The following MAST2 variants were observed in gnomAD, a reference collection of about 807,000 sequenced individuals.
MAST2 encodes the protein microtubule-associated serine/threonine-protein kinase 2.
Under a neutral mutation model 147.4 loss-of-function variants are expected in MAST2, and 70 were observed. The ratio of observed to expected loss-of-function variants is 0.47; its 90% CI spans 0.39 to 0.58. The LOEUF (loss-of-function observed/expected upper bound fraction) is 0.58, where lower values mean the gene tolerates loss of function less well. Among genes scored for constraint, MAST2 ranks in the 20% least tolerant of loss-of-function variants. The pLI is 0.00. For synonymous variants in MAST2, 869 were observed against 896.8 expected, an observed-to-expected ratio of 0.97 and a Z score of 0.55; for missense variants, 2,080 against 2,302.3, an observed-to-expected ratio of 0.90 and a Z score of 1.98.
intron 4 of MAST2, among the ~76,000 whole-genome samples, chr1:45,939,201 A>G (rs1656760322): frequency 1.3e-5 from 2 of 151,792 alleles, no homozygotes; most frequent in Non-Finnish European, 2.9e-5. Context: ...ATATTTATGT[A>G]TGGTATGAGG....
chr1:46,032,392 C>T lies in MAST2; in HGVS notation c.3402C>T (p.His1134=), dbSNP rs776097973. ...GTGACTCCGATGTCTACACCGTGCA[C>T]CATATGGTGTGGGTATGTCTGACCA... ...YMGDSDVYTV[H]HMVWHVEDGG... Residue 1134 remains histidine (H), a synonymous_variant, in exon 25 of 29, where the codon CAC becomes CAT. Coordinates refer to ENST00000361297, the MANE Select transcript of MAST2 (RefSeq NM_015112.3). The T allele has an allele frequency of 2.4e-5, 38 of 1,614,014 alleles. No individual in the cohort carries two copies. The South Asian group carries it at 3.4e-4, about 14-fold the overall frequency.
At chr1:45,953,786 A>G (rs987029425) in intron 4 of MAST2, among the ~76,000 whole-genome samples, 2 of 152,206 alleles carry the variant, frequency 1.3e-5, no homozygotes, top group African/African-American at 2.4e-5. Flanking sequence ...TCATATTAAG[A>G]ACAGATTAGG....
At chr1:45,859,096 CT>C (rs1261216365) in intron 3 of MAST2, among the ~76,000 whole-genome samples, 1 of 152,086 alleles carries the variant, frequency 6.6e-6, no homozygotes, top group South Asian at 2.1e-4. Flanking sequence ...AATGCGGGCC[CT>C]TTTTTGGTTC....
Position 46,029,694 on chromosome 1 carries a change from C to T in MAST2, c.2320+127C>T. 2.2e-6 allele frequency: 3 copies of T among 1,367,624 alleles called. No individual in the cohort carries two copies. The East Asian group carries it at 6.9e-5, about 32-fold the overall frequency. The allele number at this position is 1,367,624 out of a possible 1,614,324, so 84.7% of individuals were successfully genotyped here. On this transcript the variant is annotated intron_variant, in intron 19 of 28. Coordinates refer to ENST00000361297, the MANE Select transcript of MAST2 (RefSeq NM_015112.3). Reference sequence around the variant, plus strand: ...CTGGATCCTGAAACTCTGCCCTGCTCTGTAGGCAGAAAAGGGAAGATGCTT... The same window carrying T: ...CTGGATCCTGAAACTCTGCCCTGCTTTGTAGGCAGAAAAGGGAAGATGCTT...
In MAST2 at chr1:45,966,330, A is replaced by G. The variant is rs192338274; in HGVS notation, c.592+6853A>G. Among the ~76,000 whole-genome samples the G allele has an allele frequency of 3.7e-3, 559 of 152,112 alleles. 1 individual carries two copies. The highest frequency in any genetic ancestry group is 5.6e-3 in the Non-Finnish European group (383 of 67,992). On this transcript the variant is annotated intron_variant, in intron 5 of 28. Coordinates refer to ENST00000361297, the MANE Select transcript of MAST2 (RefSeq NM_015112.3). Reference sequence around the variant, plus strand: ...AAAAAGCCGCTATAAACATCTGTGTATAGGTTTTTGGGTAGACGTTAATTT... The same window carrying G: ...AAAAAGCCGCTATAAACATCTGTGTGTAGGTTTTTGGGTAGACGTTAATTT...
intron 5 of MAST2, among the ~76,000 whole-genome samples, chr1:45,978,631 A>G (rs1037553599): frequency 6.6e-6 from 1 of 152,260 alleles, no homozygotes; most frequent in Non-Finnish European, 1.5e-5. Context: ...GTAGGAATCC[A>G]TAAGTGCTGC....
At chr1:45,915,178 T>A (rs12124847) in intron 4 of MAST2, among the ~76,000 whole-genome samples, 43,178 of 152,032 alleles carry the variant, frequency 0.28, 6,257 homozygotes, top group South Asian at 0.39. Flanking sequence ...GTGATCCTCT[T>A]GCCTCAGCCT....
At chr1:45,820,893 CTTTTTTTTTTTTTTT>C (rs769508054) in intron 1 of MAST2, among the ~76,000 whole-genome samples, 1 of 43,078 alleles carries the variant, frequency 2.3e-5, no homozygotes, top group African/African-American at 9.8e-5. Context: ...CTTTCTTTCT[CTTTTTTTTTTTTTTT>C]TTTTTTTTTG....
intron 5 of MAST2, among the ~76,000 whole-genome samples, chr1:45,981,961 C>T (rs1385786356): frequency 6.6e-6 from 1 of 151,936 alleles, no homozygotes; most frequent in Non-Finnish European, 1.5e-5. Context: ...CTGCCTCAGC[C>T]TCAGCCTCCC....
chr1:45,980,391 G>A (rs143010170), intron 5 of MAST2, among the ~76,000 whole-genome samples: 17 of 151,672 alleles, frequency 1.1e-4, no homozygotes, highest in Non-Finnish European at 1.3e-4. Flanking sequence ...GAGATCAATC[G>A]TACCCCAAAC....
chr1:46,006,752 A>G (rs1645503989), intron 8 of MAST2, among the ~76,000 whole-genome samples: 2 of 152,202 alleles, frequency 1.3e-5, no homozygotes, highest in Admixed American at 1.3e-4. Flanking sequence ...CCCAGGAGGT[A>G]TTTAACAATA....
In MAST2 at chr1:45,884,710, C is replaced by T. The variant is rs141383213; in HGVS notation, c.500+2315C>T. Among the ~76,000 whole-genome samples, 3 of 152,268 alleles carry T rather than the reference C, an allele frequency of 2.0e-5. No individual in the cohort carries two copies. The East Asian group carries it at 5.8e-4, about 29-fold the overall frequency. On this transcript the variant is annotated intron_variant, in intron 4 of 28. Coordinates refer to ENST00000361297, the MANE Select transcript of MAST2 (RefSeq NM_015112.3). Reference sequence around the variant, plus strand: ...TTCAGTTCTTTAATATAAACAATATCCTTTCTTATCTTTAACATTAGAGGA... The same window carrying T: ...TTCAGTTCTTTAATATAAACAATATTCTTTCTTATCTTTAACATTAGAGGA...
At chr1:45,855,333 C>CT (rs61043854) in intron 3 of MAST2, among the ~76,000 whole-genome samples, 117,448 of 150,816 alleles carry the variant, frequency 0.78, 46,056 homozygotes, top group East Asian at 0.96. Context: ...GGAGAAATGG[C>CT]TTTTTTTTTC....
chr1:45,813,822 T>A (rs962605535), intron 1 of MAST2, among the ~76,000 whole-genome samples: 11 of 151,900 alleles, frequency 7.2e-5, no homozygotes, highest in Non-Finnish European at 1.0e-4. Context: ...TTTATTAAAA[T>A]TTTTTTTTAA....
chr1:46,034,987 G>T lies in MAST2; in HGVS notation c.4318G>T (p.Glu1440Ter). ...CCTGCCCCACTCTGAACTAAAGAAG[G>T]AACTGCCGCCCAGGGAAGTGAGCCC... ...LDLPHSELKKELPPREVSPLE... is the reference protein window; with the variant it reads ...LDLPHSELKK Residue 1440 changes from glutamate to a stop codon, truncating the protein, a stop_gained, in exon 29 of 29, where the codon GAA becomes TAA. Transcript: ENST00000361297. LOFTEE classifies it low-confidence loss of function (END_TRUNC). The T allele has an allele frequency of 6.2e-7, 1 of 1,614,068 alleles. No individual in the cohort carries two copies. The highest frequency in any genetic ancestry group is 8.5e-7 in the Non-Finnish European group (1 of 1,180,028).
intron 3 of MAST2, among the ~76,000 whole-genome samples, chr1:45,835,592 G>A (rs1645080363): frequency 6.6e-6 from 1 of 150,612 alleles, no homozygotes; most frequent in Non-Finnish European, 1.5e-5. Context: ...ATTGAATTTT[G>A]TTGAGATGAG....
chr1:45,827,079 C>T (rs1419346549), intron 2 of MAST2, among the ~76,000 whole-genome samples: 5 of 152,042 alleles, frequency 3.3e-5, no homozygotes, highest in Admixed American at 2.0e-4. Flanking sequence ...CCGCCTGCCT[C>T]GGCCTCCCAA....
rs1055684691 is a variant in MAST2, at chr1:45,933,685, C to T, written c.501-25701C>T. On this transcript the variant is annotated intron_variant, in intron 4 of 28. Transcript: ENST00000361297. ...AGGAGAATTGCTTGAACCTGGGAGGCGGAGGTTGCAGTGAGCCAAGATCGT... is the reference window on the plus strand; with the variant it reads ...AGGAGAATTGCTTGAACCTGGGAGGTGGAGGTTGCAGTGAGCCAAGATCGT... Among the ~76,000 whole-genome samples, 10 of 151,526 alleles carry T rather than the reference C, an allele frequency of 6.6e-5. No homozygotes were observed. The South Asian group carries it at 1.9e-3, about 28-fold the overall frequency.
At chr1:45,884,626 A>G (rs185405089) in intron 4 of MAST2, among the ~76,000 whole-genome samples, 1 of 152,204 alleles carries the variant, frequency 6.6e-6, no homozygotes, top group African/African-American at 2.4e-5. Context: ...GGCTGTTAAG[A>G]TTCAATTAGA....
Sources: allele counts gnomAD v4.1 joint callset (sites outside exome capture counted in the v4.1 genomes callset), GRCh38; gene constraint gnomAD v4.1.1; transcripts MANE v1.5; gene names NCBI Gene and HGNC (gene_info 2026-07-23, HGNC 2026-07-21).